The following STK39 variants were observed in gnomAD, a reference collection of about 807,000 sequenced individuals.
STK39 encodes STE20/SPS1-related proline-alanine-rich protein kinase.
A neutral mutation model predicts 77.8 loss-of-function variants in STK39; 20 were observed. The ratio of observed to expected loss-of-function variants is 0.26; its 90% CI spans 0.18 to 0.37. STK39 has a LOEUF of 0.37. STK39 is among the 10% of genes least tolerant of loss of function. The pLI is 1.00. For synonymous variants in STK39, 246 were observed against 234.1 expected (o/e 1.05, Z -0.47); for missense variants, 479 against 656.5 (o/e 0.73, Z 2.95).
At chr2:168,142,363 C>G (rs147072259) in intron 5 of STK39, among the ~76,000 whole-genome samples, 155 of 152,044 alleles carry the variant, frequency 1.0e-3, no homozygotes, top group African/African-American at 3.3e-3. Context: ...AACGATGAAT[C>G]CAACATTTCA....
chr2:168,097,192 G>A (rs967928762), intron 10 of STK39, among the ~76,000 whole-genome samples: 12 of 152,222 alleles, frequency 7.9e-5, no homozygotes, highest in Non-Finnish European at 8.8e-5. Context: ...CTGTTTTTTA[G>A]TCACTCAAAT....
intron 17 of STK39, among the ~76,000 whole-genome samples, chr2:167,961,478 T>G (rs895030905): frequency 2.6e-5 from 4 of 152,154 alleles, no homozygotes; most frequent in Non-Finnish European, 5.9e-5. Context: ...AAATTCCACA[T>G]TGAAAGCAGG....
rs539018094 is a variant in STK39 at position 168,044,865 on chromosome 2, A to G, written c.1376+18635T>C. On this transcript the variant is annotated intron_variant, in intron 14 of 17. Coordinates refer to ENST00000355999, the MANE Select transcript of STK39 (RefSeq NM_013233.3). ...ACCATGACTAAGGGCCAAACAGGTA[A>G]TAATTCCAACAGACCCACTGCCAAA... Among the ~76,000 whole-genome samples, 8 of 152,352 alleles carry G rather than the reference A, an allele frequency of 5.3e-5. 1 individual carries two copies. In the South Asian group the frequency reaches 1.7e-3, roughly 32 times the overall value.
intron 12 of STK39, among the ~76,000 whole-genome samples, chr2:168,069,997 G>A (rs1046724155): frequency 9.2e-5 from 14 of 152,118 alleles, no homozygotes; most frequent in African/African-American, 3.4e-4. Flanking sequence ...AGGATATAAT[G>A]CAAAATTGAC....
intron 12 of STK39, among the ~76,000 whole-genome samples, chr2:168,072,125 A>C (rs115449975): frequency 0.021 from 3,127 of 152,336 alleles, 112 homozygotes; most frequent in African/African-American, 0.072. Context: ...GAAAGATTGC[A>C]AAAACAATCA....
intron 1 of STK39, among the ~76,000 whole-genome samples, chr2:168,199,048 T>G (rs565145129): frequency 6.6e-6 from 1 of 152,316 alleles, no homozygotes; most frequent in South Asian, 2.1e-4. Context: ...CATCATATTT[T>G]GGGCAATGCT....
chr2:168,155,131 C>A (rs532552837), intron 5 of STK39, among the ~76,000 whole-genome samples: 1 of 152,324 alleles, frequency 6.6e-6, no homozygotes, highest in East Asian at 1.9e-4. Flanking sequence ...GTCCCCCCTG[C>A]AGCTAAACGT....
chr2:168,090,138 A>G (rs968733779), intron 10 of STK39, among the ~76,000 whole-genome samples: 2 of 152,234 alleles, frequency 1.3e-5, no homozygotes, highest in Non-Finnish European at 2.9e-5. Flanking sequence ...GGCATTTGCT[A>G]CAAAATTCCA....
chr2:167,995,259 G>A (rs919145073), intron 16 of STK39, among the ~76,000 whole-genome samples: 1 of 151,836 alleles, frequency 6.6e-6, no homozygotes, highest in African/African-American at 2.4e-5. Context: ...ACAGGCACAC[G>A]ACACCACACC....
chr2:168,163,669 C>T (rs2292786), intron 4 of STK39, 70 bp downstream of exon 4: 224,996 of 1,385,038 alleles, frequency 0.16, 33,798 homozygotes, highest in East Asian at 0.52. Flanking sequence ...TCTGTGTAGA[C>T]AGTCTAAGCC....
At chr2:167,955,860 C>G (rs1433753337) in intron 17 of STK39, among the ~76,000 whole-genome samples, 1 of 152,134 alleles carries the variant, frequency 6.6e-6, no homozygotes, top group Non-Finnish European at 1.5e-5. Context: ...CAGTGAAACA[C>G]CCCTGCTAAG....
chr2:168,084,531 A>G (rs138208140), intron 10 of STK39, among the ~76,000 whole-genome samples: 1 of 152,302 alleles, frequency 6.6e-6, no homozygotes, highest in Non-Finnish European at 1.5e-5. Context: ...TGTTCCTGGA[A>G]GCTAGAGGAA....
chr2:168,009,240 G>C (rs995748942), intron 16 of STK39, among the ~76,000 whole-genome samples: 1 of 152,120 alleles, frequency 6.6e-6, no homozygotes, highest in Admixed American at 6.5e-5. Flanking sequence ...TTCATATGCT[G>C]GTGGGACATA....
At chr2:167,964,858 G>A in intron 16 of STK39, 132 bp from the exon 17 acceptor site, 1 of 721,986 alleles carries the variant, frequency 1.4e-6, no homozygotes, top group Non-Finnish European at 2.3e-6. Context: ...ACATTGCAAA[G>A]TCCATATAAA....
intron 1 of STK39, among the ~76,000 whole-genome samples, chr2:168,215,674 C>T (rs1690007747): frequency 6.6e-6 from 1 of 152,082 alleles, no homozygotes; most frequent in South Asian, 2.1e-4. Flanking sequence ...ATGTCAGTTG[C>T]CTCAAGGTGA....
At chr2:168,008,768 C>G (rs4668000) in intron 16 of STK39, among the ~76,000 whole-genome samples, 73,067 of 151,896 alleles carry the variant, frequency 0.48, 18,782 homozygotes, top group Non-Finnish European at 0.56. Context: ...AAGGAAATAC[C>G]AGTAAGATGG....
intron 10 of STK39, among the ~76,000 whole-genome samples, chr2:168,103,206 G>A (rs6733308): frequency 0.24 from 36,990 of 152,028 alleles, 5,219 homozygotes; most frequent in Non-Finnish European, 0.31. Flanking sequence ...TGTGTATTTC[G>A]TAAACTAATC....
chr2:168,121,483 C>A (rs550426989), intron 10 of STK39, among the ~76,000 whole-genome samples: 15 of 152,300 alleles, frequency 9.8e-5, no homozygotes, highest in South Asian at 2.1e-4. Flanking sequence ...TCACCCACTG[C>A]CAGCACCTTG....
At chr2:168,123,793 TG>T (rs1202840062) in intron 10 of STK39, among the ~76,000 whole-genome samples, 1 of 145,340 alleles carries the variant, frequency 6.9e-6, no homozygotes, top group African/African-American at 2.5e-5. Context: ...CGCTTGAACC[TG>T]GGAAGCGGAG....
Sources: allele counts gnomAD v4.1 joint callset (sites outside exome capture counted in the v4.1 genomes callset), GRCh38; gene constraint gnomAD v4.1.1; transcripts MANE v1.5; gene names NCBI Gene and HGNC (gene_info 2026-07-23, HGNC 2026-07-21).